EPHA5: variants seen among roughly 807,000 people sequenced by gnomAD.
EPHA5 encodes EPH receptor A5, also known as ephrin type-A receptor 5.
Under a neutral mutation model 105.0 loss-of-function variants are expected in EPHA5, and 60 were observed. The observed-to-expected ratio is 0.57, with a 90% CI of 0.46 to 0.71. The LOEUF is 0.71. Among genes scored for constraint, EPHA5 ranks in the 30% least tolerant of loss-of-function variants. The pLI is 0.00. For missense variants in EPHA5, 1,218 were observed against 1,274.7 expected, an observed-to-expected ratio of 0.96 and a Z score of 0.68; for synonymous variants, 513 against 449.1, an observed-to-expected ratio of 1.14 and a Z score of -1.80.
At chr4:65,380,208 T>C (rs560065032) in intron 8 of EPHA5, among the ~76,000 whole-genome samples, 1 of 151,916 alleles carries the variant, frequency 6.6e-6, no homozygotes, top group African/African-American at 2.4e-5. Context: ...TGCATGCAGC[T>C]ATAACAAGAT....
intron 3 of EPHA5, among the ~76,000 whole-genome samples, chr4:65,561,337 A>G (rs990276975): frequency 2.0e-5 from 3 of 152,024 alleles, no homozygotes; most frequent in Non-Finnish European, 2.9e-5. Context: ...GCAATCTGCC[A>G]GAAGCAAGTA....
chr4:65,383,238 C>CAA (rs1028006124), intron 8 of EPHA5, among the ~76,000 whole-genome samples: 1 of 150,698 alleles, frequency 6.6e-6, no homozygotes, highest in Non-Finnish European at 1.5e-5. Context: ...CACACACACA[C>CAA]ACACACACAT....
At chr4:65,603,458 G>A (rs551506233) in intron 2 of EPHA5, among the ~76,000 whole-genome samples, 1 of 145,608 alleles carries the variant, frequency 6.9e-6, no homozygotes, top group South Asian at 2.2e-4. Context: ...TGTGATTTCA[G>A]ACATTAAGTA....
chr4:65,479,731 T>C, intron 5 of EPHA5, among the ~76,000 whole-genome samples: 1 of 152,112 alleles, frequency 6.6e-6, no homozygotes, highest in Non-Finnish European at 1.5e-5. Flanking sequence ...GGATATATGA[T>C]GCACATTAAA....
intron 3 of EPHA5, among the ~76,000 whole-genome samples, chr4:65,588,141 A>T (rs1273065161): frequency 6.6e-6 from 1 of 152,172 alleles, no homozygotes; most frequent in Non-Finnish European, 1.5e-5. Context: ...AGTGGCTTGC[A>T]GGATGTTGTC....
chr4:65,573,130 G>C lies in EPHA5; in HGVS notation c.910+28511C>G, dbSNP rs1259733453. Among the ~76,000 whole-genome samples the C allele has an allele frequency of 2.7e-5, 4 of 150,356 alleles. No homozygotes were observed. In the East Asian group the frequency reaches 8.1e-4, roughly 30 times the overall value. ...AAGCTTTGAAAACACTCAAATACAG[G>C]GCCGGGCGCGGTGGCTCAGGCCTGT... On this transcript the variant is annotated intron_variant, in intron 3 of 16. Coordinates refer to ENST00000613740, the MANE Select transcript of EPHA5 (RefSeq NM_001281766.3).
intron 3 of EPHA5, among the ~76,000 whole-genome samples, chr4:65,583,632 C>T (rs1471038500): frequency 6.6e-6 from 1 of 151,676 alleles, no homozygotes; most frequent in Non-Finnish European, 1.5e-5. Context: ...TACTAATTAA[C>T]CTTGTACTCC....
intron 5 of EPHA5, among the ~76,000 whole-genome samples, chr4:65,451,184 C>G (rs1335415737): frequency 6.6e-6 from 1 of 152,014 alleles, no homozygotes; most frequent in Non-Finnish European, 1.5e-5. Context: ...TATCTTGCAT[C>G]ACATACATTG....
intron 9 of EPHA5, among the ~76,000 whole-genome samples, chr4:65,366,925 G>T (rs1042822246): frequency 2.0e-5 from 3 of 151,332 alleles, no homozygotes; most frequent in Admixed American, 6.6e-5. Context: ...CAAGATTGCT[G>T]CCACAGGACC....
chr4:65,335,939 A>T lies in EPHA5; in HGVS notation c.2782T>A (p.Ser928Thr), dbSNP rs181148552. The T allele has an allele frequency of 6.2e-7, 1 of 1,609,488 alleles. No homozygotes were observed. Among genetic ancestry groups the T allele is most frequent in the East Asian group, 2.2e-5 (1 of 44,688 alleles). The change falls in exon 15 of 17, where the codon TCC becomes ACC. Residue 928 changes from serine to threonine, a missense_variant. Physicochemically the swap from Ser to Thr is moderately conservative, Grantham distance 58. This residue lies in a region of EPHA5 where 971 missense variants were observed against 1,013.5 expected (regional missense o/e 0.96). Transcript: ENST00000613740. ...TCGGATCTGGCCTTGTACCTGCAGG[A>T]TGCATTAACCAGCGTCTTCAGACTA... is the stretch of plus-strand genomic sequence containing the variant. ...PSSLKTLVNA[S>T]CRVSNLLAEH...
At chr4:65,565,905 T>A (rs975575050) in intron 3 of EPHA5, among the ~76,000 whole-genome samples, 1 of 151,746 alleles carries the variant, frequency 6.6e-6, no homozygotes, top group South Asian at 2.1e-4. Flanking sequence ...ACTTGGAGAC[T>A]ATTTCTATCT....
chr4:65,393,212 G>A (rs1720894003), intron 8 of EPHA5, among the ~76,000 whole-genome samples: 1 of 152,006 alleles, frequency 6.6e-6, no homozygotes, highest in African/African-American at 2.4e-5. Flanking sequence ...CTCATTCTCA[G>A]TCCACGTGCT....
At chr4:65,545,872 G>A (rs1737323028) in intron 3 of EPHA5, among the ~76,000 whole-genome samples, 1 of 151,850 alleles carries the variant, frequency 6.6e-6, no homozygotes, top group Non-Finnish European at 1.5e-5. Flanking sequence ...GGCCATTAGG[G>A]TCAATTTGAC....
intron 11 of EPHA5, among the ~76,000 whole-genome samples, chr4:65,360,511 T>C (rs917468551): frequency 4.0e-5 from 6 of 151,672 alleles, no homozygotes; most frequent in Non-Finnish European, 8.9e-5. Context: ...GGTATTTAAC[T>C]TTTTTAATGT....
chr4:65,632,437 G>A (rs890746768), intron 2 of EPHA5, among the ~76,000 whole-genome samples: 1 of 149,952 alleles, frequency 6.7e-6, no homozygotes, highest in African/African-American at 2.5e-5. Flanking sequence ...GTAAAAATAA[G>A]TTGTAAAGTA....
At chr4:65,521,825 A>C (rs979119241) in intron 3 of EPHA5, among the ~76,000 whole-genome samples, 3 of 151,802 alleles carry the variant, frequency 2.0e-5, no homozygotes, top group South Asian at 2.1e-4. Flanking sequence ...TGACAAATCC[A>C]TTTCCCATTG....
At chr4:65,453,377 T>C (rs73222133) in intron 5 of EPHA5, among the ~76,000 whole-genome samples, 4,569 of 152,246 alleles carry the variant, frequency 0.03, 228 homozygotes, top group African/African-American at 0.1. Flanking sequence ...TCTCCAACTC[T>C]TTAGGTCAAT....
At chr4:65,441,440 G>C (rs2149086401) in intron 5 of EPHA5, among the ~76,000 whole-genome samples, 1 of 152,008 alleles carries the variant, frequency 6.6e-6, no homozygotes, top group African/African-American at 2.4e-5. Flanking sequence ...GAAATGTATA[G>C]ATCTAAAATA....
intron 5 of EPHA5, among the ~76,000 whole-genome samples, chr4:65,425,045 AAAAT>A (rs1560523276): frequency 6.6e-6 from 1 of 152,106 alleles, no homozygotes; most frequent in Admixed American, 6.6e-5. Context: ...TGTATTTAAA[AAAAT>A]AAATAAATAA....
Sources: allele counts gnomAD v4.1 joint callset (sites outside exome capture counted in the v4.1 genomes callset), GRCh38; gene constraint gnomAD v4.1.1; regional missense constraint gnomAD v4.1.1; transcripts MANE v1.5; gene names NCBI Gene and HGNC (gene_info 2026-07-23, HGNC 2026-07-21).